The following CHD8 variants were observed in gnomAD, a reference collection of about 807,000 sequenced individuals.
The protein encoded by CHD8 is ATP-dependent chromatin remodeler CHD8.
A neutral mutation model predicts 279.2 loss-of-function variants in CHD8; 31 were observed. The ratio of observed to expected loss-of-function variants is 0.11; its 90% CI spans 0.08 to 0.15. The LOEUF (loss-of-function observed/expected upper bound fraction) is 0.15, where lower values mean the gene tolerates loss of function less well. Ranked by LOEUF, CHD8 falls within the 10% of genes least tolerant of loss-of-function variation. CHD8 has a pLI of 1.00. For synonymous variants in CHD8, 1,081 were observed against 1,139.6 expected, an observed-to-expected ratio of 0.95 and a Z score of 1.04; for missense variants, 2,146 against 3,230.5, an observed-to-expected ratio of 0.66 and a Z score of 8.14.
chr14:21,416,871 C>G (rs980304956), intron 5 of CHD8, among the ~76,000 whole-genome samples: 19 of 151,222 alleles, frequency 1.3e-4, no homozygotes, highest in African/African-American at 3.9e-4. Context: ...TTTGGGAGAC[C>G]GAGGCAGGTG....
chr14:21,438,512 T>TAAAAAAAAAAAAA (rs559681631), intron 1 of CHD8, among the ~76,000 whole-genome samples: 2 of 112,508 alleles, frequency 1.8e-5, no homozygotes, highest in Non-Finnish European at 3.5e-5. Flanking sequence ...CCTAGTCTCT[T>TAAAAAAAAAAAAA]AAAAAAAAAA....
intron 27 of CHD8, chr14:21,397,068 C>T: frequency 4.7e-5 from 9 of 192,600 alleles, no homozygotes; most frequent in South Asian, 3.5e-4. Flanking sequence ...TTCCTCCTAC[C>T]CAACTATTTA....
In CHD8 at chr14:21,385,944, A is replaced by G. The variant is rs1455933957; in HGVS notation, c.7415T>C (p.Phe2472Ser). The G allele has an allele frequency of 1.9e-6, 3 of 1,556,168 alleles. No homozygotes were observed. The Admixed American group carries it at 5.8e-5, about 30-fold the overall frequency. The change falls in exon 38 of 38, where the codon TTT becomes TCT. Residue 2472 changes from phenylalanine to serine, a missense_variant. This residue lies in a region of CHD8 where 336 missense variants were observed against 392.9 expected (regional missense o/e 0.86). Transcript: ENST00000646647. ...TGCACCACCCATCACAAATGGCATA[A>G]AAGGCAAAGATGCAGAAGTGGCACT... ...HSSATSASLP[F>S]MPFVMGGAPS...
intron 1 of CHD8, chr14:21,436,753 C>T (rs1002798506): frequency 2.8e-6 from 1 of 360,446 alleles, no homozygotes; most frequent in African/African-American, 2.2e-5. Flanking sequence ...ACTACGACAG[C>T]TAAAGACATG....
intron 1 of CHD8, among the ~76,000 whole-genome samples, chr14:21,435,067 A>G (rs1889724580): frequency 6.6e-6 from 1 of 152,232 alleles, no homozygotes; most frequent in Non-Finnish European, 1.5e-5. Flanking sequence ...AAGAATGAAA[A>G]GCCAGTGTTG....
At chr14:21,437,691 A>C (rs952311090) in intron 1 of CHD8, among the ~76,000 whole-genome samples, 1 of 152,130 alleles carries the variant, frequency 6.6e-6, no homozygotes, top group African/African-American at 2.4e-5. Context: ...ACCTAATAAA[A>C]GGGGCCAAAT....
At chr14:21,442,538 C>A (rs898703664) in intron 1 of CHD8, among the ~76,000 whole-genome samples, 1 of 151,092 alleles carries the variant, frequency 6.6e-6, no homozygotes, top group Non-Finnish European at 1.5e-5. Flanking sequence ...ACTTGGGAGG[C>A]TAAGGCAGGA....
Position 21,385,569 on chromosome 14 carries a change from G to C in CHD8, c.*44C>G. On this transcript the variant is annotated 3_prime_UTR_variant, in exon 38 of 38. Coordinates refer to ENST00000646647, the MANE Select transcript of CHD8 (RefSeq NM_001170629.2). ...CCATAGTCCAAGGGCCAGAGTAAAT[G>C]AAAATACAGCAGCCGCCCAAGCAAT... 1.3e-6 allele frequency: 2 copies of C among 1,520,936 alleles called. No individual in the cohort carries two copies. The highest frequency in any genetic ancestry group is 2.5e-5 in the South Asian group (2 of 79,144). The allele number at this position is 1,520,936 out of a possible 1,614,324, so 94.2% of individuals were successfully genotyped here. A position where few individuals can be genotyped will look rare whatever the true frequency, so the allele number is the denominator to read the frequency against.
Position 21,394,067 on chromosome 14 carries a change from G to A in CHD8, c.5728C>T (p.Leu1910=). The change falls in exon 32 of 38, where the codon CTG becomes TTG. Residue 1910 remains leucine, a synonymous_variant. Transcript: ENST00000646647. ...GGACCAGGAGGCTGACACAATGCCAGCCGATCTTCCAAAAGGGGGTGGCAT... is the reference window on the plus strand; with the variant it reads ...GGACCAGGAGGCTGACACAATGCCAACCGATCTTCCAAAAGGGGGTGGCAT... ...VLCHPLLEDR[L]ALCQPPGPEL... 6.2e-7 allele frequency: 1 copy of A among 1,613,948 alleles called. No individual in the cohort carries two copies. Among genetic ancestry groups the A allele is most frequent in the Non-Finnish European group, 8.5e-7 (1 of 1,179,872 alleles).
At chr14:21,454,744 T>C (rs533937228) in intron 1 of CHD8, among the ~76,000 whole-genome samples, 1 of 152,226 alleles carries the variant, frequency 6.6e-6, no homozygotes, top group Non-Finnish European at 1.5e-5. Context: ...TCTTCTTACA[T>C]GGAAAATGTT....
intron 33 of CHD8, 94 bp downstream of exon 33, chr14:21,393,012 T>A: frequency 2.1e-6 from 3 of 1,407,524 alleles, no homozygotes; most frequent in South Asian, 1.4e-5. Context: ...AACACAATTT[T>A]AAAAATCCAG....
At chr14:21,418,781 A>G (rs954465728) in intron 5 of CHD8, among the ~76,000 whole-genome samples, 4 of 152,262 alleles carry the variant, frequency 2.6e-5, no homozygotes, top group Non-Finnish European at 5.9e-5. Context: ...GCGCCACTGC[A>G]CTCCAGTCCA....
At chr14:21,391,436 A>T (rs914552547) in intron 36 of CHD8, 27 bp downstream of exon 36, 29 of 1,606,698 alleles carry the variant, frequency 1.8e-5, no homozygotes, top group African/African-American at 4.0e-5. Flanking sequence ...ATGACTTTAA[A>T]TCTTGCTGGA....
rs1462263214 is a variant in CHD8 at position 21,391,019 on chromosome 14, T to A, written c.7110A>T (p.Lys2370Asn). ...RRKQKWQRCK[K>N]NNKAELNCLG... is the part of the protein sequence containing the mutation. ...AACAGTTCAATTCTGCCTTATTATT[T>A]TTTTTACATCTTTGCCACTTCTGTT... is the stretch of plus-strand genomic sequence containing the variant. Residue 2370 changes from lysine (K) to asparagine (N), a missense_variant, in exon 37 of 38, where the codon AAA becomes AAT. Coordinates refer to ENST00000646647, the MANE Select transcript of CHD8 (RefSeq NM_001170629.2). 6.2e-6 allele frequency: 10 copies of A among 1,602,720 alleles called. 1 individual carries two copies. The Admixed American group carries it at 1.7e-4, about 27-fold the overall frequency.
At chr14:21,426,895 G>A (rs780681805) in intron 4 of CHD8, 1 of 152,278 alleles carries the variant, frequency 6.6e-6, no homozygotes, top group East Asian at 1.9e-4. Context: ...AGAGATGCAA[G>A]AACAGGACAG....
rs978926603 is a variant in CHD8, at chr14:21,402,798, A to G, written c.3714+219T>C. ...GCTGTTTTTGCGCTACAGGACTTGG[A>G]GATAAGCAGTTGCAACAAAGACTCG... is the stretch of plus-strand genomic sequence containing the variant. On this transcript the variant is annotated intron_variant, in intron 18 of 37. Coordinates refer to ENST00000646647, the MANE Select transcript of CHD8 (RefSeq NM_001170629.2). The surrounding 1 kb of genome is among the most constrained non-coding windows in gnomAD (Gnocchi z 4.5). Among the ~76,000 whole-genome samples the G allele has an allele frequency of 1.3e-5, 2 of 152,232 alleles. No individual in the cohort carries two copies. The highest frequency in any genetic ancestry group is 4.8e-5 in the African/African-American group (2 of 41,460).
intron 1 of CHD8, among the ~76,000 whole-genome samples, chr14:21,448,870 G>A (rs1890189043): frequency 1.4e-5 from 2 of 145,722 alleles, no homozygotes; most frequent in Admixed American, 1.4e-4. Context: ...GACCAGCACT[G>A]AACTTTTAAA....
intron 5 of CHD8, chr14:21,419,715 C>T (rs796691611): frequency 1.3e-5 from 3 of 231,946 alleles, no homozygotes; most frequent in Admixed American, 1.1e-4. Context: ...TACAGGACAA[C>T]CCCCCAGGGG....
At chr14:21,433,992 T>TA (rs1889668017) in intron 1 of CHD8, among the ~76,000 whole-genome samples, 1 of 151,954 alleles carries the variant, frequency 6.6e-6, no homozygotes, top group Non-Finnish European at 1.5e-5. Flanking sequence ...CGTCAGAAGT[T>TA]AAAGTATCTA....
Sources: allele counts gnomAD v4.1 joint callset (sites outside exome capture counted in the v4.1 genomes callset), GRCh38; gene constraint gnomAD v4.1.1; regional missense constraint gnomAD v4.1.1; non-coding constraint Gnocchi (gnomAD v3.1); transcripts MANE v1.5; gene names NCBI Gene and HGNC (gene_info 2026-07-23, HGNC 2026-07-21).